The following EYS variants were observed in gnomAD, a reference collection of about 807,000 sequenced individuals.
EYS encodes the protein EGF-like photoreceptor maintenance factor.
Under a neutral mutation model 282.1 loss-of-function variants are expected in EYS, and 250 were observed. The observed-to-expected ratio is 0.89, with a 90% CI of 0.80 to 0.98. The LOEUF is 0.98. Among genes scored for constraint, EYS ranks in the 50% least tolerant of loss-of-function variants. EYS has a pLI of 0.00. For missense variants in EYS, 4,016 were observed against 3,709.0 expected (o/e 1.08, Z -2.15); for synonymous variants, 1,355 against 1,282.9 (o/e 1.06, Z -1.20).
At chr6:64,303,473 C>A (rs1372110851) in intron 30 of EYS, among the ~76,000 whole-genome samples, 2 of 152,090 alleles carry the variant, frequency 1.3e-5, no homozygotes, top group Admixed American at 1.3e-4. Context: ...GGGGGAGATA[C>A]AAGAGTTCAG....
chr6:65,396,525 A>C (rs1304595799), intron 7 of EYS, among the ~76,000 whole-genome samples: 1 of 151,550 alleles, frequency 6.6e-6, no homozygotes, highest in African/African-American at 2.4e-5. Flanking sequence ...TACACCCTTA[A>C]ATCACTCTTT....
chr6:63,826,135 GAAGA>G (rs1042323246), intron 36 of EYS, among the ~76,000 whole-genome samples: 2 of 152,108 alleles, frequency 1.3e-5, no homozygotes, highest in African/African-American at 2.4e-5. Flanking sequence ...TGAACAAGTA[GAAGA>G]AAGAAGTTCA....
intron 31 of EYS, among the ~76,000 whole-genome samples, chr6:64,227,937 T>A (rs904637987): frequency 6.6e-6 from 1 of 152,140 alleles, no homozygotes; most frequent in Admixed American, 6.6e-5. Context: ...GCAAGGTTTT[T>A]ACCAGGCAAT....
rs147511793 is a variant in EYS at position 64,425,060 on chromosome 6, G to A, written c.5927+11114C>T. 1.6e-3 allele frequency among the ~76,000 whole-genome samples: 246 copies of A among 152,258 alleles called. 1 individual carries two copies. Among genetic ancestry groups the A allele is most frequent in the African/African-American group, 5.8e-3 (239 of 41,552 alleles). Reference sequence around the variant, plus strand: ...AAGCAGTGAGATTAAGGGCTCTGGGGTAAAAAGCATTTCAGAGAGTCCTAG... The same window carrying A: ...AAGCAGTGAGATTAAGGGCTCTGGGATAAAAAGCATTTCAGAGAGTCCTAG... On this transcript the variant is annotated intron_variant, in intron 28 of 42. Transcript: ENST00000503581.
chr6:65,335,442 T>C (rs1769951540), intron 10 of EYS, among the ~76,000 whole-genome samples: 1 of 151,768 alleles, frequency 6.6e-6, no homozygotes, highest in Non-Finnish European at 1.5e-5. Flanking sequence ...ACCATAACCC[T>C]TATCAGACAG....
intron 29 of EYS, among the ~76,000 whole-genome samples, chr6:64,337,849 C>A (rs954504773): frequency 7.9e-5 from 12 of 152,000 alleles, no homozygotes; most frequent in African/African-American, 2.9e-4. Flanking sequence ...AAATGTGATA[C>A]ACCATATACA....
At chr6:65,405,142 A>G in intron 6 of EYS, 32 bp downstream of exon 6, 2 of 1,538,762 alleles carry the variant, frequency 1.3e-6, no homozygotes, top group Non-Finnish European at 1.8e-6. Flanking sequence ...AAAATTTAAA[A>G]CCACTCACTT....
At chr6:64,523,757 C>T (rs1400862336) in intron 26 of EYS, among the ~76,000 whole-genome samples, 1 of 151,586 alleles carries the variant, frequency 6.6e-6, no homozygotes, top group Non-Finnish European at 1.5e-5. Flanking sequence ...GATGAATATC[C>T]AAAATTCAGA....
intron 1 of EYS, among the ~76,000 whole-genome samples, chr6:65,654,253 A>T (rs1202000527): frequency 6.6e-6 from 1 of 151,864 alleles, no homozygotes; most frequent in East Asian, 1.9e-4. Context: ...ATGAATTCAT[A>T]GTATATGTGT....
At chr6:64,270,420 A>G (rs1562280688) in intron 30 of EYS, among the ~76,000 whole-genome samples, 1 of 152,096 alleles carries the variant, frequency 6.6e-6, no homozygotes, top group Admixed American at 6.6e-5. Flanking sequence ...CAGACCTAGC[A>G]GTTAAAGATT....
At chr6:63,814,258 G>T (rs6921058) in intron 36 of EYS, among the ~76,000 whole-genome samples, 76,963 of 151,978 alleles carry the variant, frequency 0.51, 21,242 homozygotes, top group African/African-American at 0.73. Context: ...AAATATGTCC[G>T]GAGATATCGC....
intron 26 of EYS, among the ~76,000 whole-genome samples, chr6:64,583,270 G>A (rs980699609): frequency 1.3e-5 from 2 of 151,848 alleles, no homozygotes; most frequent in African/African-American, 4.8e-5. Flanking sequence ...TAGGAATGAG[G>A]AGTTTGAAAA....
chr6:64,732,397 T>C (rs904967112), intron 22 of EYS, among the ~76,000 whole-genome samples: 3 of 152,192 alleles, frequency 2.0e-5, no homozygotes, highest in African/African-American at 7.2e-5. Context: ...TACTGCCAAA[T>C]TCCTGTTAGC....
intron 24 of EYS, among the ~76,000 whole-genome samples, chr6:64,600,241 G>A (rs1471869054): frequency 1.8e-5 from 1 of 57,132 alleles, no homozygotes; most frequent in African/African-American, 8.0e-5. Context: ...TTTTTCAACT[G>A]TATGTCCAAT....
rs373197894 is a variant in EYS, at chr6:65,295,987, T to C, written c.1899A>G (p.Gln633=). The C allele has an allele frequency of 9.6e-4, 1,485 of 1,551,306 alleles. 7 individuals carry two copies. The highest frequency in any genetic ancestry group is 4.8e-4 in the Non-Finnish European group (548 of 1,146,594). The part of the protein sequence containing the change: ...LSHNCNCSGL[Q]RYERNICEID... ...TCTCACAGATGTTCCTTTCATATCT[T>C]TGCAGACCGCTACAGTTACAATTGT... The change falls in exon 12 of 43, where the codon CAA becomes CAG. Residue 633 remains glutamine (Q), a synonymous_variant. Coordinates refer to ENST00000503581, the MANE Select transcript of EYS (RefSeq NM_001142800.2).
intron 12 of EYS, among the ~76,000 whole-genome samples, chr6:65,156,851 C>A (rs981384519): frequency 1.3e-5 from 2 of 151,040 alleles, no homozygotes; most frequent in Non-Finnish European, 3.0e-5. Flanking sequence ...AGTTTCTCAT[C>A]AAAGATAATG....
At chr6:65,260,561 T>G (rs1292566295) in intron 12 of EYS, among the ~76,000 whole-genome samples, 1 of 152,156 alleles carries the variant, frequency 6.6e-6, no homozygotes, top group East Asian at 1.9e-4. Context: ...GTTTGAATTA[T>G]ATTACATTAT....
rs1437873200 is a variant in EYS, at chr6:65,506,915, G to A, written c.-332-10922C>T. On this transcript the variant is annotated intron_variant, in intron 2 of 42. Transcript: ENST00000503581. ...ATGACTGTTATTTCACCTATCCATA[G>A]GCTACAATCACCCAATATATGGTTA... Among the ~76,000 whole-genome samples, 3 of 151,866 alleles carry A rather than the reference G, an allele frequency of 2.0e-5. No individual in the cohort carries two copies. In the East Asian group the frequency reaches 5.8e-4, roughly 29 times the overall value.
chr6:64,271,243 C>A (rs1223796514), intron 30 of EYS, among the ~76,000 whole-genome samples: 2 of 151,932 alleles, frequency 1.3e-5, no homozygotes, highest in Admixed American at 6.6e-5. Context: ...AACATTTTTG[C>A]CCATCTAGTA....
Sources: allele counts gnomAD v4.1 joint callset (sites outside exome capture counted in the v4.1 genomes callset), GRCh38; gene constraint gnomAD v4.1.1; transcripts MANE v1.5; gene names NCBI Gene and HGNC (gene_info 2026-07-23, HGNC 2026-07-21).